The following HDAC9 variants were observed in gnomAD, a reference collection of about 807,000 sequenced individuals.
HDAC9 encodes histone deacetylase 9.
A neutral mutation model predicts 139.4 loss-of-function variants in HDAC9; 41 were observed. The observed-to-expected ratio is 0.29, with a 90% CI of 0.23 to 0.38. HDAC9 has a LOEUF of 0.38. Among genes scored for constraint, HDAC9 ranks in the 10% least tolerant of loss-of-function variants. HDAC9 has a pLI of 1.00. For missense variants in HDAC9, 1,147 were observed against 1,297.0 expected (o/e 0.88, Z 1.78); for synonymous variants, 517 against 476.2 (o/e 1.09, Z -1.12).
At chr7:18,615,095 A>G (rs111851596) in intron 6 of HDAC9, among the ~76,000 whole-genome samples, 3 of 152,238 alleles carry the variant, frequency 2.0e-5, no homozygotes, top group Non-Finnish European at 2.9e-5. Flanking sequence ...GTGGGGCACA[A>G]TTGTGTCTGT....
At chr7:18,830,491 C>G (rs543126412) in intron 19 of HDAC9, among the ~76,000 whole-genome samples, 1 of 152,246 alleles carries the variant, frequency 6.6e-6, no homozygotes, top group South Asian at 2.1e-4. Flanking sequence ...AAATCTTGTT[C>G]ATATCTGCAC....
rs1390495044 is a variant in HDAC9 at position 18,986,660 on chromosome 7, G to A, written c.3171-9363G>A. 5.9e-5 allele frequency among the ~76,000 whole-genome samples: 9 copies of A among 152,128 alleles called. No individual in the cohort carries two copies. The East Asian group carries it at 1.5e-3, about 26-fold the overall frequency. ...GCATTGAATCTGTAAATTACCTTGGGCAGTATGGCCATTTTCAGAAGATTG... is the reference window on the plus strand; with the variant it reads ...GCATTGAATCTGTAAATTACCTTGGACAGTATGGCCATTTTCAGAAGATTG... On this transcript the variant is annotated intron_variant, in intron 25 of 25. Transcript: ENST00000686413.
At chr7:18,554,968 AATTCTATGTG>A (rs1405940603) in intron 2 of HDAC9, among the ~76,000 whole-genome samples, 1 of 152,188 alleles carries the variant, frequency 6.6e-6, no homozygotes, top group Non-Finnish European at 1.5e-5. Flanking sequence ...TACCTAGTTA[AATTCTATGTG>A]TGAAGTGCAT....
At chr7:18,584,092 C>G (rs1001555143) in intron 2 of HDAC9, among the ~76,000 whole-genome samples, 1 of 151,206 alleles carries the variant, frequency 6.6e-6, no homozygotes, top group African/African-American at 2.4e-5. Context: ...CCTGGATATC[C>G]TGTCTGTGAG....
intron 23 of HDAC9, among the ~76,000 whole-genome samples, chr7:18,950,637 T>G (rs573769848): frequency 6.6e-6 from 1 of 152,152 alleles, no homozygotes; most frequent in Admixed American, 6.6e-5. Flanking sequence ...AAAATGACTT[T>G]CTACTACATA....
chr7:18,708,797 G>A (rs1784127187), intron 12 of HDAC9, among the ~76,000 whole-genome samples: 1 of 152,088 alleles, frequency 6.6e-6, no homozygotes, highest in Non-Finnish European at 1.5e-5. Context: ...AGCAAGTGTG[G>A]CTACTGGACT....
intron 1 of HDAC9, among the ~76,000 whole-genome samples, chr7:18,145,796 A>C (rs1045528381): frequency 6.6e-6 from 1 of 152,192 alleles, no homozygotes; most frequent in African/African-American, 2.4e-5. Context: ...GTCAGAGGTG[A>C]GTGAGGAAGT....
chr7:18,494,160 A>G (rs1796580497), upstream of HDAC9, among the ~76,000 whole-genome samples: 1 of 152,098 alleles, frequency 6.6e-6, no homozygotes, highest in South Asian at 2.1e-4. Flanking sequence ...CTTAAGTCAA[A>G]CGCAGTTTGG....
chr7:18,992,099 T>A lies in HDAC9; in HGVS notation c.3171-3924T>A, dbSNP rs562045251. ...GCAGCCATGCTGCATACTAATTTAG[T>A]ACCATTTTATATACACAAAATATAT... On this transcript the variant is annotated intron_variant, in intron 25 of 25. Coordinates refer to ENST00000686413, the MANE Select transcript of HDAC9 (RefSeq NM_178425.4). Among the ~76,000 whole-genome samples, 8 of 152,388 alleles carry A rather than the reference T, an allele frequency of 5.2e-5. No homozygotes were observed. The East Asian group carries it at 1.5e-3, about 29-fold the overall frequency.
intron 22 of HDAC9, among the ~76,000 whole-genome samples, chr7:18,915,245 C>G (rs1025883124): frequency 3.9e-5 from 6 of 152,024 alleles, no homozygotes; most frequent in African/African-American, 1.4e-4. Context: ...TAGACATTTT[C>G]TTTAGATTGC....
chr7:18,546,805 T>G lies in HDAC9; in HGVS notation c.23-38476T>G, dbSNP rs1815002678. 2.0e-5 allele frequency among the ~76,000 whole-genome samples: 3 copies of G among 152,212 alleles called. No individual in the cohort carries two copies. The South Asian group carries it at 6.2e-4, about 31-fold the overall frequency. On this transcript the variant is annotated intron_variant, in intron 2 of 25. Transcript: ENST00000686413. ...CACCTGAGAGTGTTCACAGTGAAACTTCTCTCCGTTGTGTGTTTTGTGGCC... is the reference window on the plus strand; with the variant it reads ...CACCTGAGAGTGTTCACAGTGAAACGTCTCTCCGTTGTGTGTTTTGTGGCC...
chr7:18,596,850 A>C (rs1330715846), intron 6 of HDAC9, among the ~76,000 whole-genome samples: 2 of 152,126 alleles, frequency 1.3e-5, no homozygotes, highest in African/African-American at 4.8e-5. Flanking sequence ...AATCTACATC[A>C]GCAATATGTA....
At chr7:18,943,303 C>T (rs1163590257) in intron 23 of HDAC9, among the ~76,000 whole-genome samples, 1 of 152,090 alleles carries the variant, frequency 6.6e-6, no homozygotes, top group East Asian at 1.9e-4. Flanking sequence ...TAACTGTTTT[C>T]TCATTATGTT....
At chr7:18,128,001 C>G (rs1011981206) in intron 1 of HDAC9, among the ~76,000 whole-genome samples, 2 of 152,106 alleles carry the variant, frequency 1.3e-5, no homozygotes, top group Non-Finnish European at 2.9e-5. Flanking sequence ...TAAAAGGTAA[C>G]ACTTTTACAA....
chr7:18,380,872 A>G (rs1190600173), intron 1 of HDAC9, among the ~76,000 whole-genome samples: 2 of 152,176 alleles, frequency 1.3e-5, no homozygotes, highest in South Asian at 2.1e-4. Flanking sequence ...CTTCATATTT[A>G]TAAAGCAAAA....
intron 1 of HDAC9, among the ~76,000 whole-genome samples, chr7:18,138,531 T>G (rs1386646382): frequency 1.1e-4 from 10 of 90,340 alleles, no homozygotes; most frequent in Non-Finnish European, 1.9e-4. Context: ...GAGAGAGGTG[T>G]GTGTGTGTGT....
At chr7:18,396,079 A>ATTCCCTTCCTTTCCCTTCCCTTCCC (rs1787005952) in intron 1 of HDAC9, among the ~76,000 whole-genome samples, 3 of 46,444 alleles carry the variant, frequency 6.5e-5, no homozygotes, top group Non-Finnish European at 1.6e-4. Context: ...TCAAAGTGTC[A>ATTCCCTTCCTTTCCCTTCCCTTCCC]TTCCCTTCCC....
intron 1 of HDAC9, among the ~76,000 whole-genome samples, chr7:18,339,967 A>G (rs747834877): frequency 4.0e-5 from 6 of 151,494 alleles, no homozygotes; most frequent in Non-Finnish European, 8.9e-5. Context: ...TATGTTTTCT[A>G]TCAGTTATTG....
At chr7:18,728,159 T>C (rs185843865) in intron 13 of HDAC9, among the ~76,000 whole-genome samples, 4 of 152,276 alleles carry the variant, frequency 2.6e-5, no homozygotes, top group Admixed American at 2.6e-4. Flanking sequence ...TTTTTGTTTG[T>C]TTGTTTTATT....
Sources: gnomAD v4.1 joint callset for allele counts (sites outside exome capture counted in the v4.1 genomes callset) on GRCh38, gnomAD v4.1.1 for gene constraint, MANE v1.5 for transcripts, NCBI Gene and HGNC (gene_info 2026-07-23, HGNC 2026-07-21) for gene names.